PAX7: variants seen among roughly 807,000 people sequenced by gnomAD.
PAX7 encodes the protein paired box 7.
In PAX7, 18 loss-of-function variants were observed where a neutral mutation model predicts 50.7. The observed-to-expected ratio is 0.36, with a 90% confidence interval of 0.25 to 0.53. The LOEUF (loss-of-function observed/expected upper bound fraction) is 0.53, where lower values mean the gene tolerates loss of function less well. Among genes scored for constraint, PAX7 ranks in the 20% least tolerant of loss-of-function variants. PAX7 has a pLI of 0.93. For missense variants in PAX7, 644 were observed against 702.9 expected (o/e 0.92, Z 0.95); for synonymous variants, 310 against 290.4 (o/e 1.07, Z -0.69).
intron 4 of PAX7, among the ~76,000 whole-genome samples, chr1:18,654,379 T>C (rs2088480741): frequency 6.6e-6 from 1 of 152,164 alleles, no homozygotes; most frequent in African/African-American, 2.4e-5. Flanking sequence ...TAATCACAGG[T>C]GGGAGAGCGT....
intron 3 of PAX7, among the ~76,000 whole-genome samples, chr1:18,635,451 GA>G (rs758255555): frequency 9.4e-4 from 134 of 142,760 alleles, no homozygotes; most frequent in Non-Finnish European, 1.4e-3. Flanking sequence ...AATAGGGAAA[GA>G]AAAAAAGTTA....
At chr1:18,672,494 T>C (rs1246285758) in intron 4 of PAX7, among the ~76,000 whole-genome samples, 1 of 152,036 alleles carries the variant, frequency 6.6e-6, no homozygotes, top group African/African-American at 2.4e-5. Flanking sequence ...TCCATGTCAA[T>C]TTCAGGAAAC....
rs56258552 is a variant in PAX7, at chr1:18,727,371, T to TACAC, written c.1156-8225_1156-8222dup. Among the ~76,000 whole-genome samples, 1,165 of 134,068 alleles carry TACAC rather than the reference T, an allele frequency of 8.7e-3. 6 individuals are homozygous for TACAC. Among genetic ancestry groups the TACAC allele is most frequent in the East Asian group, 0.019 (84 of 4,422 alleles). The allele number at this position is 134,068 out of a possible 152,430, so 88.0% of individuals were successfully genotyped here. A position where few individuals can be genotyped will look rare whatever the true frequency, so the allele number is the denominator to read the frequency against. ...TCATCCTCTCTCTCTCTCTCTCTCATACACACACACACACACACACACACA... is the reference window on the plus strand; with the variant it reads ...TCATCCTCTCTCTCTCTCTCTCTCATACACACACACACACACACACACACACACA... On this transcript the variant is annotated intron_variant, in intron 7 of 8. Coordinates refer to ENST00000420770, the MANE Select transcript of PAX7 (RefSeq NM_001135254.2).
Position 18,636,320 on chromosome 1 carries a change from G to C in PAX7, c.535G>C (p.Asp179His). 1 of 1,614,254 alleles carries C rather than the reference G, an allele frequency of 6.2e-7. No individual in the cohort carries two copies. The highest frequency in any genetic ancestry group is 8.5e-7 in the Non-Finnish European group (1 of 1,180,030). The part of the protein sequence containing the change: ...EEDEADKKED[D>H]GEKKAKHSID... ...GGATGAAGCGGACAAGAAGGAGGAC[G>C]ACGGCGAAAAGAAGGCCAAACACAG... The change falls in exon 4 of 9, where the codon GAC (aspartate) becomes CAC (histidine). Residue 179 changes from aspartate to histidine, a missense_variant. Transcript: ENST00000420770. The surrounding 1 kb of genome is among the most constrained non-coding windows in gnomAD (Gnocchi z 5.1).
chr1:18,655,298 C>T (rs1414772122), intron 4 of PAX7, among the ~76,000 whole-genome samples: 2 of 152,188 alleles, frequency 1.3e-5, no homozygotes, highest in East Asian at 3.9e-4. Flanking sequence ...GCAGGTGGCA[C>T]GTCCCCTCCG....
intron 8 of PAX7, among the ~76,000 whole-genome samples, chr1:18,736,972 C>T (rs1930743311): frequency 6.6e-6 from 1 of 152,248 alleles, no homozygotes; most frequent in Admixed American, 6.5e-5. Flanking sequence ...GCTGTGTTTC[C>T]AACTCTCTCC....
chr1:18,638,036 G>C (rs769560522), intron 4 of PAX7, among the ~76,000 whole-genome samples: 1 of 152,284 alleles, frequency 6.6e-6, no homozygotes, highest in Non-Finnish European at 1.5e-5. Context: ...CTTTTTGTGG[G>C]TTGTGGAGGG....
intron 7 of PAX7, among the ~76,000 whole-genome samples, chr1:18,728,539 C>T (rs1035517780): frequency 6.6e-6 from 1 of 151,984 alleles, no homozygotes; most frequent in African/African-American, 2.4e-5. Context: ...AACTTGGCTG[C>T]TCATTAGAAT....
Position 18,631,182 on chromosome 1 carries a change from G to T in PAX7, c.-422G>T. 4.2e-6 allele frequency: 1 copy of T among 238,788 alleles called. No homozygotes were observed. Among genetic ancestry groups the T allele is most frequent in the Non-Finnish European group, 8.2e-6 (1 of 122,030 alleles). 14.8% of individuals were successfully genotyped at this position (238,788 alleles called of 1,614,324 possible). On this transcript the variant is annotated 5_prime_UTR_variant, in exon 1 of 9. Coordinates refer to ENST00000420770, the MANE Select transcript of PAX7 (RefSeq NM_001135254.2). ...CGCCAGAGCGCCAGAGCGCGAGAGC[G>T]CGGCGCTCGCCACTCTGAGGCTGGC...
intron 4 of PAX7, among the ~76,000 whole-genome samples, chr1:18,640,943 C>A (rs1008300583): frequency 5.3e-5 from 8 of 152,030 alleles, no homozygotes; most frequent in Admixed American, 1.3e-4. Flanking sequence ...AGGGGCCGAG[C>A]CCACACTGGG....
chr1:18,745,150 C>T lies in PAX7; in HGVS notation c.*221C>T, dbSNP rs1570254668. On this transcript the variant is annotated 3_prime_UTR_variant, in exon 9 of 9. Transcript: ENST00000420770. ...CCTTGGAGTCTGCTCCCCACTTTCC[C>T]CAAGGAGGGTTTCTGGTCAGCCTGA... 1 of 568,224 alleles carries T rather than the reference C, an allele frequency of 1.8e-6. No homozygotes were observed. Among genetic ancestry groups the T allele is most frequent in the African/African-American group, 1.9e-5 (1 of 53,446 alleles). The allele number at this position is 568,224 out of a possible 1,614,324, so 35.2% of individuals were successfully genotyped here.
At position 18,667,539 on chromosome 1, in the gene PAX7, G is replaced by A. The variant is rs896478833; in HGVS notation, c.587-24215G>A. Among the ~76,000 whole-genome samples the A allele has an allele frequency of 4.6e-5, 7 of 152,178 alleles. No homozygotes were observed. The South Asian group carries it at 6.2e-4, about 14-fold the overall frequency. ...CCAGATTCTCATAAAACTACGGAGC[G>A]CCAGGAGGACAAATCACAGAAGGTA... On this transcript the variant is annotated intron_variant, in intron 4 of 8. Transcript: ENST00000420770.
chr1:18,714,357 C>A (rs2089392121), intron 7 of PAX7, among the ~76,000 whole-genome samples: 1 of 152,168 alleles, frequency 6.6e-6, no homozygotes, highest in African/African-American at 2.4e-5. Context: ...ACTCACCTTG[C>A]AGGCTTATGA....
At chr1:18,711,708 G>A (rs567237786) in intron 7 of PAX7, among the ~76,000 whole-genome samples, 3 of 152,172 alleles carry the variant, frequency 2.0e-5, no homozygotes, top group African/African-American at 7.2e-5. Flanking sequence ...CAGGATTAGG[G>A]GAAAGCTAAC....
At chr1:18,673,197 G>C (rs2088777598) in intron 4 of PAX7, among the ~76,000 whole-genome samples, 1 of 152,156 alleles carries the variant, frequency 6.6e-6, no homozygotes, top group Admixed American at 6.6e-5. Context: ...CTCTTCTTTA[G>C]GACTGGTTTA....
At chr1:18,737,135 G>A (rs1930760476) in intron 8 of PAX7, among the ~76,000 whole-genome samples, 1 of 152,266 alleles carries the variant, frequency 6.6e-6, no homozygotes, top group Admixed American at 6.5e-5. Flanking sequence ...GCCAGCAGCA[G>A]GGCAGGTCCA....
chr1:18,745,765 T>C lies in PAX7; in HGVS notation c.*836T>C, dbSNP rs763255204. ...CAGCATGTCCACTCCATCTGGGGCC[T>C]GGGGAGCCCACAGAACTTTTCAGTT... On this transcript the variant is annotated 3_prime_UTR_variant, in exon 9 of 9. Transcript: ENST00000420770. The C allele has an allele frequency of 1.0e-4, 24 of 231,732 alleles. No individual in the cohort carries two copies. The highest frequency in any genetic ancestry group is 1.8e-4 in the Non-Finnish European group (21 of 117,210). The allele number at this position is 231,732 out of a possible 1,614,324, so 14.4% of individuals were successfully genotyped here. A position where few individuals can be genotyped will look rare whatever the true frequency, so the allele number is the denominator to read the frequency against.
rs117224341 is a variant in PAX7, at chr1:18,657,777, C to A, written c.586+21406C>A. On this transcript the variant is annotated intron_variant, in intron 4 of 8. Transcript: ENST00000420770. ...GCTCTCTCTCTCCTCTCTCTCTCCC[C>A]TTCCCCTTCTTATTGAGAATGCCCC... 1.2e-3 allele frequency among the ~76,000 whole-genome samples: 189 copies of A among 152,266 alleles called. 4 individuals carry two copies. In the East Asian group the frequency reaches 0.035, roughly 28 times the overall value.
intron 1 of PAX7, among the ~76,000 whole-genome samples, chr1:18,633,905 G>C (rs1360030461): frequency 6.6e-6 from 1 of 152,250 alleles, no homozygotes; most frequent in Non-Finnish European, 1.5e-5. Context: ...CTGAGGGACA[G>C]ATAGTCATTG....
Sources: allele counts gnomAD v4.1 joint callset (sites outside exome capture counted in the v4.1 genomes callset), GRCh38; gene constraint gnomAD v4.1.1; non-coding constraint Gnocchi (gnomAD v3.1); transcripts MANE v1.5; gene names NCBI Gene and HGNC (gene_info 2026-07-23, HGNC 2026-07-21).